Variants in VWF observed in about 807,000 individuals in gnomAD.
The protein encoded by VWF is Factor VIII related antigen.
VWF carries 176 observed loss-of-function variants against 308.6 expected under a neutral mutation model. That is an observed-to-expected ratio of 0.57 (90% CI 0.50 to 0.65). The LOEUF (loss-of-function observed/expected upper bound fraction) is 0.65, where lower values mean the gene tolerates loss of function less well. Ranked by LOEUF, VWF falls within the 30% of genes least tolerant of loss-of-function variation. The pLI is 0.00. For synonymous variants in VWF, 1,385 were observed against 1,443.4 expected (o/e 0.96, Z 0.92); for missense variants, 3,146 against 3,648.2 (o/e 0.86, Z 3.55).
At chr12:6,027,129 A>G (rs1472006024) in intron 22 of VWF, among the ~76,000 whole-genome samples, 1 of 152,176 alleles carries the variant, frequency 6.6e-6, no homozygotes, top group Non-Finnish European at 1.5e-5. Context: ...CAAAAGGCCA[A>G]CGATCTTCCC....
At chr12:6,013,946 A>T (rs2136406098) in intron 31 of VWF, among the ~76,000 whole-genome samples, 1 of 152,200 alleles carries the variant, frequency 6.6e-6, no homozygotes, top group East Asian at 1.9e-4. Context: ...AGAATTTCAG[A>T]TGTGGATAAA....
At chr12:6,031,763 C>T (rs1369897911) in intron 20 of VWF, among the ~76,000 whole-genome samples, 185 bp from the exon 21 acceptor site, 1 of 141,716 alleles carries the variant, frequency 7.1e-6, no homozygotes, top group Non-Finnish European at 1.5e-5. Flanking sequence ...TGAATGCCCT[C>T]AGGTGTGTCA....
chr12:6,038,042 T>C (rs925412825), intron 18 of VWF, among the ~76,000 whole-genome samples: 4 of 152,086 alleles, frequency 2.6e-5, no homozygotes, highest in African/African-American at 7.2e-5. Flanking sequence ...AAGATGCAGG[T>C]TGACCCCACT....
At chr12:6,001,354 C>T (rs999785556) in intron 34 of VWF, among the ~76,000 whole-genome samples, 33 of 152,036 alleles carry the variant, frequency 2.2e-4, no homozygotes, top group African/African-American at 8.0e-4. Flanking sequence ...GTTTTCAATT[C>T]GGCTCAAAGG....
intron 21 of VWF, 99 bp from the exon 22 acceptor site, chr12:6,029,587 C>G: frequency 6.7e-7 from 1 of 1,496,522 alleles, no homozygotes; most frequent in Non-Finnish European, 9.1e-7. Flanking sequence ...CTTCAGTGCC[C>G]ACGAGTGCAG....
intron 42 of VWF, among the ~76,000 whole-genome samples, chr12:5,976,702 G>A (rs1943537769): frequency 6.6e-6 from 1 of 152,088 alleles, no homozygotes; most frequent in Non-Finnish European, 1.5e-5. Context: ...ATGAATGCAT[G>A]TCCCCTTGCC....
chr12:6,103,574 AC>A (rs1945208688), intron 5 of VWF, among the ~76,000 whole-genome samples: 3 of 148,812 alleles, frequency 2.0e-5, no homozygotes, highest in Non-Finnish European at 3.0e-5. Context: ...ACACACACAC[AC>A]ACACACACAG....
At chr12:6,034,920 C>G in intron 19 of VWF, 94 bp from the exon 20 acceptor site, 2 of 1,507,792 alleles carry the variant, frequency 1.3e-6, no homozygotes, top group Non-Finnish European at 1.8e-6. Context: ...ACAGAATACT[C>G]TGGGTGCCTC....
At chr12:6,072,472 T>C (rs761970005) in intron 8 of VWF, 30 bp from the exon 9 acceptor site, 14 of 1,545,630 alleles carry the variant, frequency 9.1e-6, no homozygotes, top group Non-Finnish European at 1.3e-5. Context: ...GACAAAGGCC[T>C]CAACATTGTC....
chr12:6,056,777 G>A lies in VWF; in HGVS notation c.1945+80C>T, dbSNP rs1944583422. Reference sequence around the variant, plus strand: ...ACGCCCTCTTTCCACAGGAAACAACGCAGAGAAAGGGCTTCGAAAAGCACA... The same window carrying A: ...ACGCCCTCTTTCCACAGGAAACAACACAGAGAAAGGGCTTCGAAAAGCACA... On this transcript the variant is annotated intron_variant, in intron 15 of 51. Coordinates refer to ENST00000261405, the MANE Select transcript of VWF (RefSeq NM_000552.5). 5 of 1,202,212 alleles carry A rather than the reference G, an allele frequency of 4.2e-6. No homozygotes were observed. The East Asian group carries it at 1.6e-4, about 39-fold the overall frequency. The allele number at this position is 1,202,212 out of a possible 1,614,324, so 74.5% of individuals were successfully genotyped here.
At chr12:6,097,028 G>A (rs1231770935) in intron 5 of VWF, among the ~76,000 whole-genome samples, 3 of 152,226 alleles carry the variant, frequency 2.0e-5, no homozygotes, top group Non-Finnish European at 4.4e-5. Flanking sequence ...AATCCCTGGA[G>A]CATGTAAATA....
chr12:6,099,769 G>T (rs541457920), intron 5 of VWF, among the ~76,000 whole-genome samples: 1 of 152,072 alleles, frequency 6.6e-6, no homozygotes, highest in African/African-American at 2.4e-5. Flanking sequence ...TTAAACGTTA[G>T]ACCTAAAACC....
intron 10 of VWF, among the ~76,000 whole-genome samples, chr12:6,066,446 G>A (rs906888011): frequency 6.6e-6 from 1 of 152,238 alleles, no homozygotes; most frequent in African/African-American, 2.4e-5. Context: ...TGGTGAAGGA[G>A]GAAGACTTTT....
At chr12:5,968,215 G>GT in intron 45 of VWF, 48 bp from the exon 46 acceptor site, 1 of 1,611,722 alleles carries the variant, frequency 6.2e-7, no homozygotes, top group Non-Finnish European at 8.5e-7. Context: ...ACACACCCTG[G>GT]TGAGACCGGC....
At chr12:5,992,582 T>TG (rs1423775173) in intron 37 of VWF, among the ~76,000 whole-genome samples, 3 of 152,250 alleles carry the variant, frequency 2.0e-5, no homozygotes, top group South Asian at 2.1e-4. Context: ...TGTGAACCTG[T>TG]GTGTCCTTAG....
At chr12:5,952,048 C>T (rs1379005778) in intron 49 of VWF, among the ~76,000 whole-genome samples, 165 bp from the exon 50 acceptor site, 8 of 152,182 alleles carry the variant, frequency 5.3e-5, no homozygotes, top group Non-Finnish European at 8.8e-5. Flanking sequence ...GACCACCCTA[C>T]CTGACCAGGC....
At chr12:5,985,960 G>A (rs575816254) in intron 38 of VWF, among the ~76,000 whole-genome samples, 6 of 152,316 alleles carry the variant, frequency 3.9e-5, no homozygotes, top group East Asian at 1.9e-4. Context: ...TTCTTGGATC[G>A]CACTGCTAGT....
Position 6,058,135 on chromosome 12 carries a change from A to G in VWF, c.1534-91T>C, listed in dbSNP as rs1944611088. 1 of 1,469,480 alleles carries G rather than the reference A, an allele frequency of 6.8e-7. No individual in the cohort carries two copies. Among genetic ancestry groups the G allele is most frequent in the Non-Finnish European group, 9.2e-7 (1 of 1,089,548 alleles). The allele number at this position is 1,469,480 out of a possible 1,614,324, so 91.0% of individuals were successfully genotyped here. A position where few individuals can be genotyped will look rare whatever the true frequency, so the allele number is the denominator to read the frequency against. On this transcript the variant is annotated intron_variant, in intron 13 of 51. Coordinates refer to ENST00000261405, the MANE Select transcript of VWF (RefSeq NM_000552.5). This position sits in a 1 kb window ranked among gnomAD's most constrained non-coding sequence, Gnocchi z 4.9. ...ATGAGATGGTTTTAATAAAAAAAAAAAAGTTCCCCGGGTGAAACATAAATA... is the reference window on the plus strand; with the variant it reads ...ATGAGATGGTTTTAATAAAAAAAAAGAAGTTCCCCGGGTGAAACATAAATA...
At chr12:6,070,487 T>G (rs74058534) in intron 10 of VWF, among the ~76,000 whole-genome samples, 2 of 152,370 alleles carry the variant, frequency 1.3e-5, no homozygotes, top group African/African-American at 4.8e-5. Context: ...GCCCTGGCTC[T>G]GCCTCGTAGC....
Sources: gnomAD v4.1 joint callset for allele counts (sites outside exome capture counted in the v4.1 genomes callset) on GRCh38, gnomAD v4.1.1 for gene constraint, Gnocchi (gnomAD v3.1) non-coding constraint, MANE v1.5 for transcripts, NCBI Gene and HGNC (gene_info 2026-07-23, HGNC 2026-07-21) for gene names.